The following AKNAD1 variants were observed in gnomAD, a reference collection of about 807,000 sequenced individuals.
AKNAD1 encodes protein AKNAD1.
Under a neutral mutation model 90.8 loss-of-function variants are expected in AKNAD1, and 67 were observed. That is an observed-to-expected ratio of 0.74 (90% CI 0.61 to 0.90). The LOEUF (loss-of-function observed/expected upper bound fraction) is 0.90. Ranked by LOEUF, AKNAD1 falls within the 40% of genes least tolerant of loss-of-function variation. The pLI is 0.00. For missense variants in AKNAD1, 957 were observed against 975.4 expected (o/e 0.98, Z 0.25); for synonymous variants, 327 against 341.4 (o/e 0.96, Z 0.46).
intron 10 of AKNAD1, among the ~76,000 whole-genome samples, chr1:108,830,305 G>A (rs987472144): frequency 2.0e-5 from 3 of 152,218 alleles, no homozygotes; most frequent in Non-Finnish European, 2.9e-5. Flanking sequence ...GCGATGCTGA[G>A]ACAGTAGGTG....
Position 108,817,324 on chromosome 1 carries a change from C to T in AKNAD1, c.2250-147G>A, listed in dbSNP as rs1449265115. ...CCGCTGCCCTCCTAGCTCTCATACT[C>T]CCATGTGGCTGACCGCAGCTGGGCT... On this transcript the variant is annotated intron_variant, in intron 14 of 15. Coordinates refer to ENST00000370001, the MANE Select transcript of AKNAD1 (RefSeq NM_152763.5). 5 of 973,340 alleles carry T rather than the reference C, an allele frequency of 5.1e-6. No homozygotes were observed. In the African/African-American group the frequency reaches 6.6e-5, roughly 13 times the overall value. 60.3% of individuals were successfully genotyped at this position (973,340 alleles called of 1,614,324 possible).
In AKNAD1 at chr1:108,835,011, C is replaced by A; in HGVS notation, c.1582G>T (p.Gly528Cys). 6.4e-7 allele frequency: 1 copy of A among 1,570,104 alleles called. No individual in the cohort carries two copies. The change falls in exon 8 of 16, where the codon GGT becomes TGT. Residue 528 changes from glycine to cysteine, a missense_variant. Physicochemically the swap from Gly to Cys is radical, Grantham distance 159. Coordinates refer to ENST00000370001, the MANE Select transcript of AKNAD1 (RefSeq NM_152763.5). ...PGHPSGPRGSGGSEVTGTPQG... is the reference protein window; with the variant it reads ...PGHPSGPRGSCGSEVTGTPQG... The stretch of plus-strand genomic sequence containing the variant: ...GGTGTCCCTGTTACCTCACTCCCAC[C>A]TGAGCCTCGAGGCCCAGAAGGGTGG...
intron 10 of AKNAD1, among the ~76,000 whole-genome samples, chr1:108,830,166 T>A (rs987398367): frequency 6.6e-6 from 1 of 152,046 alleles, no homozygotes; most frequent in Non-Finnish European, 1.5e-5. Flanking sequence ...GAATCCCCCA[T>A]GTGGGCAATG....
chr1:108,829,051 G>A (rs1291378822), intron 10 of AKNAD1, among the ~76,000 whole-genome samples: 1 of 151,802 alleles, frequency 6.6e-6, no homozygotes, highest in Non-Finnish European at 1.5e-5. Context: ...AAAACAGTAT[G>A]TACCTCAGCA....
rs1167538345 is a variant in AKNAD1 at position 108,848,986 on chromosome 1, T to C, written c.1108A>G (p.Ile370Val). ...QKGTSSSSSY[I>V]FQKISQGKQM... is the part of the protein sequence containing the mutation. ...TTCCCTTGGGATATCTTTTGAAATATGTAAGAAGAACTTGAGGAAGTGCCT... is the reference window on the plus strand; with the variant it reads ...TTCCCTTGGGATATCTTTTGAAATACGTAAGAAGAACTTGAGGAAGTGCCT... Residue 370 changes from isoleucine (I) to valine (V), a missense_variant, in exon 4 of 16, where the codon ATA becomes GTA. Ile to Val is a conservative substitution (Grantham distance 29). Transcript: ENST00000370001. The C allele has an allele frequency of 2.5e-6, 4 of 1,611,918 alleles. No individual in the cohort carries two copies. Among genetic ancestry groups the C allele is most frequent in the Non-Finnish European group, 2.5e-6 (3 of 1,179,556 alleles).
At chr1:108,847,177 C>A (rs996913040) in intron 5 of AKNAD1, among the ~76,000 whole-genome samples, 1 of 151,938 alleles carries the variant, frequency 6.6e-6, no homozygotes, top group African/African-American at 2.4e-5. Context: ...CCAGGTGCAG[C>A]GGCTCATGCC....
chr1:108,816,159 C>A lies in AKNAD1; in HGVS notation c.*12G>T, dbSNP rs752489828. 1.3e-6 allele frequency: 2 copies of A among 1,581,406 alleles called. No homozygotes were observed. Among genetic ancestry groups the A allele is most frequent in the Non-Finnish European group, 1.7e-6 (2 of 1,167,042 alleles). Reference sequence around the variant, plus strand: ...TTTTTTTCTTTTGAATCCTTGGTAGCCTAGCGTTGAACTAGTATTTCAGTC... The same window carrying A: ...TTTTTTTCTTTTGAATCCTTGGTAGACTAGCGTTGAACTAGTATTTCAGTC... On this transcript the variant is annotated 3_prime_UTR_variant, in exon 16 of 16. Transcript: ENST00000370001.
chr1:108,857,100 C>T (rs1341802570), upstream of AKNAD1: 4 of 152,346 alleles, frequency 2.6e-5, no homozygotes, highest in African/African-American at 7.2e-5. Flanking sequence ...CAGGTGACTA[C>T]ATTTGGGGCC....
intron 2 of AKNAD1, among the ~76,000 whole-genome samples, chr1:108,850,586 A>AG (rs1242087107): frequency 6.6e-6 from 1 of 152,090 alleles, no homozygotes; most frequent in East Asian, 1.9e-4. Context: ...CTCCCCAGGC[A>AG]TTCAGTTGAA....
intron 1 of AKNAD1, among the ~76,000 whole-genome samples, chr1:108,853,793 A>G (rs1270676842): frequency 6.6e-6 from 1 of 151,964 alleles, no homozygotes; most frequent in African/African-American, 2.4e-5. Flanking sequence ...AAAGTTAGTC[A>G]GGTGTAGTGG....
intron 14 of AKNAD1, among the ~76,000 whole-genome samples, chr1:108,819,048 A>T (rs1663727168): frequency 6.6e-6 from 1 of 151,602 alleles, no homozygotes; most frequent in Non-Finnish European, 1.5e-5. Flanking sequence ...TAGTAGGTTC[A>T]GACTGAGTGG....
At chr1:108,847,177 C>T (rs996913040) in intron 5 of AKNAD1, among the ~76,000 whole-genome samples, 2 of 151,938 alleles carry the variant, frequency 1.3e-5, no homozygotes, top group Admixed American at 6.6e-5. Flanking sequence ...CCAGGTGCAG[C>T]GGCTCATGCC....
At chr1:108,820,661 T>C in intron 13 of AKNAD1, 35 bp from the exon 14 acceptor site, 1 of 1,344,714 alleles carries the variant, frequency 7.4e-7, no homozygotes. Flanking sequence ...ATTCAGAGTA[T>C]CAAAAATGAG....
intron 2 of AKNAD1, among the ~76,000 whole-genome samples, chr1:108,851,449 A>G (rs945464412): frequency 6.6e-6 from 1 of 152,092 alleles, no homozygotes; most frequent in South Asian, 2.1e-4. Flanking sequence ...GGCTTGCGGA[A>G]TTTGGATTTT....
chr1:108,823,326 T>G, intron 13 of AKNAD1, 44 bp downstream of exon 13: 27 of 1,388,314 alleles, frequency 1.9e-5, no homozygotes, highest in Non-Finnish European at 2.6e-5. Context: ...ACCTGGGACA[T>G]TAGGTTGTTG....
At chr1:108,847,094 G>A (rs979532784) in intron 5 of AKNAD1, among the ~76,000 whole-genome samples, 4 of 151,916 alleles carry the variant, frequency 2.6e-5, no homozygotes, top group African/African-American at 4.8e-5. Context: ...TCTGGCTTCC[G>A]AACCAATCTC....
chr1:108,853,192 C>T (rs1179790803), intron 1 of AKNAD1, among the ~76,000 whole-genome samples: 1 of 143,464 alleles, frequency 7.0e-6, no homozygotes, highest in Non-Finnish European at 1.5e-5. Context: ...AGTGCGGTGA[C>T]ACAATCTCGG....
At chr1:108,847,873 A>C (rs566345795) in intron 5 of AKNAD1, among the ~76,000 whole-genome samples, 1 of 152,344 alleles carries the variant, frequency 6.6e-6, no homozygotes, top group African/African-American at 2.4e-5. Context: ...TGTTCCTAAG[A>C]GACTATAAAC....
chr1:108,827,813 C>CAAAA lies in AKNAD1; in HGVS notation c.1839-515_1839-512dup, dbSNP rs11369356. Reference sequence around the variant, plus strand: ...TGGGTGACAGAGCGAGACTCCTACTCAAAAAAAAAAAAAAGAAAATGTATA... The same window carrying CAAAA: ...TGGGTGACAGAGCGAGACTCCTACTCAAAAAAAAAAAAAAAAAAGAAAATGTATA... On this transcript the variant is annotated intron_variant, in intron 10 of 15. Coordinates refer to ENST00000370001, the MANE Select transcript of AKNAD1 (RefSeq NM_152763.5). 6.1e-5 allele frequency among the ~76,000 whole-genome samples: 7 copies of CAAAA among 115,102 alleles called. 1 individual carries two copies. The highest frequency in any genetic ancestry group is 1.3e-4 in the African/African-American group (4 of 31,200). 75.5% of individuals were successfully genotyped at this position (115,102 alleles called of 152,430 possible).
Sources: gnomAD v4.1 joint callset for allele counts (sites outside exome capture counted in the v4.1 genomes callset) on GRCh38, gnomAD v4.1.1 for gene constraint, MANE v1.5 for transcripts, NCBI Gene and HGNC (gene_info 2026-07-23, HGNC 2026-07-21) for gene names.